GRM1: variants seen among roughly 807,000 people sequenced by gnomAD.
GRM1 encodes glutamate metabotropic receptor 1.
In GRM1, 33 loss-of-function variants were observed where a neutral mutation model predicts 90.9. That is an observed-to-expected ratio of 0.36 (90% confidence interval 0.28 to 0.49). The LOEUF (loss-of-function observed/expected upper bound fraction) is 0.49, where lower values mean the gene tolerates loss of function less well. Ranked by LOEUF, GRM1 falls within the 20% of genes least tolerant of loss-of-function variation. The pLI, the probability that GRM1 is intolerant of heterozygous loss-of-function variation, is 0.99. For synonymous variants in GRM1, 700 were observed against 613.2 expected, an observed-to-expected ratio of 1.14 and a Z score of -2.09; for missense variants, 1,190 against 1,534.3, an observed-to-expected ratio of 0.78 and a Z score of 3.75.
At chr6:146,171,128 T>C (rs1225903401) in intron 2 of GRM1, among the ~76,000 whole-genome samples, 2 of 152,186 alleles carry the variant, frequency 1.3e-5, no homozygotes, top group African/African-American at 4.8e-5. Flanking sequence ...AGCAAAGATA[T>C]TCAAATAAAA....
chr6:146,053,141 A>AT (rs1481288637), intron 1 of GRM1, among the ~76,000 whole-genome samples: 11 of 152,074 alleles, frequency 7.2e-5, no homozygotes, highest in South Asian at 2.1e-4. Context: ...TTAAAAAGTA[A>AT]TTTTTTGTAC....
At chr6:146,378,037 T>C (rs1776175368) in intron 5 of GRM1, among the ~76,000 whole-genome samples, 1 of 152,194 alleles carries the variant, frequency 6.6e-6, no homozygotes, top group South Asian at 2.1e-4. Context: ...CCTTGGTGGC[T>C]TACACATGGT....
chr6:146,330,038 G>A (rs1326862489), intron 3 of GRM1, among the ~76,000 whole-genome samples: 1 of 152,098 alleles, frequency 6.6e-6, no homozygotes, highest in East Asian at 1.9e-4. Flanking sequence ...TAGGCTTTTT[G>A]CTAGTTTCAG....
intron 2 of GRM1, among the ~76,000 whole-genome samples, chr6:146,219,141 A>C (rs1245297042): frequency 6.6e-6 from 1 of 152,218 alleles, no homozygotes; most frequent in Non-Finnish European, 1.5e-5. Context: ...GATCAAGTAC[A>C]TCTGCCTTAA....
chr6:146,331,829 G>A (rs1784598512), intron 3 of GRM1, among the ~76,000 whole-genome samples: 1 of 152,074 alleles, frequency 6.6e-6, no homozygotes, highest in African/African-American at 2.4e-5. Context: ...GTGTTAAGTA[G>A]CACTAAAAAG....
intron 1 of GRM1, among the ~76,000 whole-genome samples, chr6:146,138,741 G>GTTT (rs1562487075): frequency 6.6e-6 from 1 of 151,378 alleles, no homozygotes; most frequent in African/African-American, 2.4e-5. Context: ...TTTTTAGTAT[G>GTTT]TCTAAAGGTT....
At chr6:146,072,920 A>G (rs1355048300) in intron 1 of GRM1, among the ~76,000 whole-genome samples, 1 of 152,086 alleles carries the variant, frequency 6.6e-6, no homozygotes, top group African/African-American at 2.4e-5. Context: ...CTTGCTGCCA[A>G]CCAAATTACT....
chr6:146,043,796 T>TATATAGATATATATAG (rs577546115), intron 1 of GRM1, among the ~76,000 whole-genome samples: 5 of 137,942 alleles, frequency 3.6e-5, no homozygotes, highest in South Asian at 4.7e-4. Flanking sequence ...TATATATATA[T>TATATAGATATATATAG]ATATATATAT....
chr6:146,287,604 A>G (rs771673467), intron 2 of GRM1, among the ~76,000 whole-genome samples: 6 of 152,190 alleles, frequency 3.9e-5, no homozygotes, highest in African/African-American at 9.7e-5. Flanking sequence ...CCCCAACAGG[A>G]TGTGCCAGTC....
intron 1 of GRM1, among the ~76,000 whole-genome samples, chr6:146,064,031 AC>A (rs1562439526): frequency 1.3e-5 from 2 of 152,234 alleles, no homozygotes; most frequent in Admixed American, 1.3e-4. Context: ...TCCTAAACTT[AC>A]ATGCAAATTA....
chr6:146,063,559 C>T (rs192668711), intron 1 of GRM1, among the ~76,000 whole-genome samples: 4 of 152,058 alleles, frequency 2.6e-5, no homozygotes, highest in African/African-American at 9.6e-5. Context: ...GTTTCTGTAA[C>T]TTAGTTTCTA....
chr6:146,198,321 A>G (rs1779188184), intron 2 of GRM1, among the ~76,000 whole-genome samples: 1 of 152,200 alleles, frequency 6.6e-6, no homozygotes, highest in Non-Finnish European at 1.5e-5. Context: ...TAGTTCAGAG[A>G]ATGAAGTGGA....
intron 2 of GRM1, among the ~76,000 whole-genome samples, chr6:146,174,291 T>C (rs1338117079): frequency 6.6e-6 from 1 of 152,138 alleles, no homozygotes; most frequent in African/African-American, 2.4e-5. Context: ...CACTACACAA[T>C]AACTACTGGA....
chr6:146,061,756 TATG>T (rs1301127505), intron 1 of GRM1, among the ~76,000 whole-genome samples: 3 of 151,922 alleles, frequency 2.0e-5, no homozygotes, highest in Non-Finnish European at 4.4e-5. Flanking sequence ...GAGAAATCAC[TATG>T]ATGATGAGCT....
intron 1 of GRM1, among the ~76,000 whole-genome samples, chr6:146,073,697 C>A (rs181501239): frequency 6.6e-6 from 1 of 151,846 alleles, no homozygotes; most frequent in East Asian, 1.9e-4. Context: ...AAAAACTTTA[C>A]AAGTATTATA....
At chr6:146,046,281 CA>C (rs1167944695) in intron 1 of GRM1, among the ~76,000 whole-genome samples, 1 of 151,766 alleles carries the variant, frequency 6.6e-6, no homozygotes, top group East Asian at 1.9e-4. Context: ...CTACATTTAC[CA>C]GAAAGTTATA....
intron 2 of GRM1, among the ~76,000 whole-genome samples, chr6:146,167,574 T>C (rs1308739307): frequency 6.6e-6 from 1 of 152,174 alleles, no homozygotes; most frequent in Non-Finnish European, 1.5e-5. Flanking sequence ...TTTTGACTTT[T>C]AGCTATTCCA....
chr6:146,403,095 G>A (rs569761708), intron 7 of GRM1, among the ~76,000 whole-genome samples: 54 of 152,144 alleles, frequency 3.5e-4, no homozygotes, highest in African/African-American at 1.3e-3. Context: ...CGATTTATTG[G>A]CAATAGAAGA....
intron 1 of GRM1, among the ~76,000 whole-genome samples, chr6:146,053,392 G>C (rs1302490490): frequency 6.6e-6 from 1 of 151,924 alleles, no homozygotes; most frequent in East Asian, 1.9e-4. Context: ...GCTTAAAACT[G>C]ATTTAAATTA....
Sources: allele counts gnomAD v4.1 joint callset (sites outside exome capture counted in the v4.1 genomes callset), GRCh38; gene constraint gnomAD v4.1.1; transcripts MANE v1.5; gene names NCBI Gene and HGNC (gene_info 2026-07-23, HGNC 2026-07-21).